TUT7: variants seen among roughly 807,000 people sequenced by gnomAD.
The protein encoded by TUT7 is terminal uridylyl transferase 7, also known as terminal uridylyltransferase 7.
TUT7 carries 33 observed loss-of-function variants against 165.9 expected under a neutral mutation model. The ratio of observed to expected loss-of-function variants is 0.20; its 90% CI spans 0.15 to 0.27. The LOEUF (loss-of-function observed/expected upper bound fraction) is 0.27, where lower values mean the gene tolerates loss of function less well. Ranked by LOEUF, TUT7 falls within the 10% of genes least tolerant of loss-of-function variation. TUT7 has a pLI of 1.00. For missense variants in TUT7, 1,338 were observed against 1,762.3 expected (o/e 0.76, Z 4.31); for synonymous variants, 552 against 608.1 (o/e 0.91, Z 1.36).
intron 10 of TUT7, among the ~76,000 whole-genome samples, chr9:86,332,212 C>A (rs369546913): frequency 2.0e-5 from 3 of 152,280 alleles, no homozygotes; most frequent in African/African-American, 4.8e-5. Flanking sequence ...AAATACAGAT[C>A]ATTCTACCAT....
intron 11 of TUT7, among the ~76,000 whole-genome samples, chr9:86,327,706 T>G (rs74632003): frequency 6.6e-6 from 1 of 152,208 alleles, no homozygotes; most frequent in Non-Finnish European, 1.5e-5. Flanking sequence ...TAACTCCTCA[T>G]TTTAGGCATG....
intron 12 of TUT7, among the ~76,000 whole-genome samples, chr9:86,324,929 A>G (rs1263288883): frequency 1.3e-5 from 2 of 152,244 alleles, no homozygotes; most frequent in African/African-American, 4.8e-5. Context: ...TTGACGAGAA[A>G]AAGTATTGTC....
At chr9:86,289,939 G>C (rs1203440411) in intron 26 of TUT7, among the ~76,000 whole-genome samples, 1 of 151,950 alleles carries the variant, frequency 6.6e-6, no homozygotes, top group East Asian at 1.9e-4. Context: ...GCACATAATA[G>C]AATATTAGGT....
chr9:86,341,051 C>T lies in TUT7; in HGVS notation c.1089G>A (p.Met363Ile). 6.2e-7 allele frequency: 1 copy of T among 1,611,306 alleles called. No individual in the cohort carries two copies. The highest frequency in any genetic ancestry group is 8.5e-7 in the Non-Finnish European group (1 of 1,178,430). The stretch of plus-strand genomic sequence containing the variant: ...CAAGTAAGAGGACATCTGGCTGAGA[C>T]ATCTAGGAAATAAATCAATGAATAC... ...VNIDIQFPAI[M>I]SQPDVLLLVQ... The change falls in exon 7 of 27, where the codon ATG becomes ATA. Residue 363 changes from methionine to isoleucine, a missense_variant and splice_region_variant. Physicochemically the swap from Met to Ile is conservative, Grantham distance 10 (BLOSUM62 1). Around this residue, in one of 7 missense-constraint regions of TUT7, gnomAD observed 434 missense variants for 480.8 expected, o/e 0.90. Transcript: ENST00000375963.
Position 86,310,617 on chromosome 9 carries a change from G to A in TUT7, c.3378+89C>T, listed in dbSNP as rs1827960504. The A allele has an allele frequency of 1.5e-5, 9 of 584,260 alleles. No homozygotes were observed. In the Admixed American group the frequency reaches 2.2e-4, roughly 14 times the overall value. The allele number at this position is 584,260 out of a possible 1,614,324, so 36.2% of individuals were successfully genotyped here. ...CTTGAAAGATTCACTAAGATGAAATGAATGTGACTTCTTTAACTTGAGGTT... is the reference window on the plus strand; with the variant it reads ...CTTGAAAGATTCACTAAGATGAAATAAATGTGACTTCTTTAACTTGAGGTT... On this transcript the variant is annotated intron_variant, in intron 18 of 26. Coordinates refer to ENST00000375963, the MANE Select transcript of TUT7 (RefSeq NM_024617.4).
At position 86,350,127 on chromosome 9, in the gene TUT7, C is replaced by A. The variant is rs372347548; in HGVS notation, c.520+2553G>T. Among the ~76,000 whole-genome samples, 6 of 152,164 alleles carry A rather than the reference C, an allele frequency of 3.9e-5. No individual in the cohort carries two copies. In the South Asian group the frequency reaches 1.2e-3, roughly 32 times the overall value. ...CAGGCAGATCATGAGGTCAGGGTAT[C>A]GAGACTACCCCTGGCCAACATGCTA... is the stretch of plus-strand genomic sequence containing the variant. On this transcript the variant is annotated intron_variant, in intron 2 of 26. Transcript: ENST00000375963.
chr9:86,332,745 A>G (rs1234025239), intron 10 of TUT7, among the ~76,000 whole-genome samples: 1 of 152,156 alleles, frequency 6.6e-6, no homozygotes, highest in African/African-American at 2.4e-5. Flanking sequence ...TTTAGTGGGG[A>G]TATTTAGTCT....
intron 22 of TUT7, 150 bp from the exon 23 acceptor site, chr9:86,305,389 C>CA (rs948233279): frequency 9.5e-5 from 55 of 576,222 alleles, no homozygotes; most frequent in Admixed American, 1.5e-4. Flanking sequence ...AAAAGAAGTG[C>CA]AAAAAAAAGT....
intron 10 of TUT7, among the ~76,000 whole-genome samples, chr9:86,330,223 AATTTTTTTAT>A (rs1830188301): frequency 6.6e-6 from 1 of 151,628 alleles, no homozygotes; most frequent in Non-Finnish European, 1.5e-5. Context: ...ATGCCCAGCT[AATTTTTTTAT>A]ATTTTTTTAG....
intron 26 of TUT7, among the ~76,000 whole-genome samples, chr9:86,290,072 T>G (rs1480388793): frequency 6.6e-6 from 1 of 152,270 alleles, no homozygotes; most frequent in East Asian, 1.9e-4. Flanking sequence ...ATCTGTAAAA[T>G]GAGGACAATA....
At chr9:86,313,131 A>AATAC (rs1304214114) in intron 17 of TUT7, among the ~76,000 whole-genome samples, 1 of 57,192 alleles carries the variant, frequency 1.7e-5, no homozygotes, top group Non-Finnish European at 4.4e-5. Context: ...ATCAATAATA[A>AATAC]ATAAATAAAT....
chr9:86,337,716 T>C (rs898603130), intron 9 of TUT7, among the ~76,000 whole-genome samples, 178 bp from the exon 10 acceptor site: 1 of 152,224 alleles, frequency 6.6e-6, no homozygotes, highest in Admixed American at 6.5e-5. Context: ...CAACCACATA[T>C]TGTGGTTTTA....
chr9:86,298,911 G>GA (rs1826616742), intron 26 of TUT7: 1 of 706,718 alleles, frequency 1.4e-6, no homozygotes, highest in Non-Finnish European at 1.7e-6. Flanking sequence ...CATATCCAAG[G>GA]AGAGCTGAAA....
At chr9:86,351,484 C>G (rs1043986542) in intron 2 of TUT7, among the ~76,000 whole-genome samples, 2 of 152,116 alleles carry the variant, frequency 1.3e-5, no homozygotes, top group African/African-American at 4.8e-5. Flanking sequence ...CTAGAAGTAT[C>G]TGTGAAAAAA....
At chr9:86,308,678 T>C in intron 21 of TUT7, 72 bp from the exon 22 acceptor site, 1 of 1,292,180 alleles carries the variant, frequency 7.7e-7, no homozygotes, top group Non-Finnish European at 1.0e-6. Flanking sequence ...ATTTGTATTT[T>C]AGGGAGTAAA....
intron 2 of TUT7, among the ~76,000 whole-genome samples, chr9:86,348,688 G>A (rs1006327734): frequency 2.0e-5 from 3 of 152,126 alleles, no homozygotes; most frequent in African/African-American, 7.2e-5. Flanking sequence ...AGGAGGTGAG[G>A]CTGTGGTGAG....
Position 86,352,976 on chromosome 9 carries a change from T to C in TUT7, c.224A>G (p.Asn75Ser). 1.2e-6 allele frequency: 2 copies of C among 1,614,218 alleles called. No individual in the cohort carries two copies. The highest frequency in any genetic ancestry group is 2.2e-5 in the South Asian group (2 of 91,084). The part of the protein sequence containing the change: ...PRKGPCAVSS[N>S]PYAFKNPIYS... ...GATTGGGTTTTTAAATGCATATGGA[T>C]TGCTGGAAACAGCACATGGTCCTTT... The change falls in exon 2 of 27, where the codon AAT becomes AGT. Residue 75 changes from asparagine to serine, a missense_variant. By Grantham distance (46) the Asn-to-Ser change is conservative. Coordinates refer to ENST00000375963, the MANE Select transcript of TUT7 (RefSeq NM_024617.4).
intron 14 of TUT7, among the ~76,000 whole-genome samples, chr9:86,320,857 G>C (rs700765): frequency 0.99 from 151,112 of 152,280 alleles, 74,979 homozygotes; most frequent in Middle Eastern, 1. Context: ...AAAAAATGTC[G>C]CTCCCTTACC....
chr9:86,351,111 G>A (rs904980801), intron 2 of TUT7, among the ~76,000 whole-genome samples: 1 of 149,068 alleles, frequency 6.7e-6, no homozygotes, highest in African/African-American at 2.5e-5. Flanking sequence ...CTCCAGCCTG[G>A]GTGACACAGT....
Sources: gnomAD v4.1 joint callset for allele counts (sites outside exome capture counted in the v4.1 genomes callset) on GRCh38, gnomAD v4.1.1 for gene constraint, gnomAD v4.1.1 regional missense constraint, MANE v1.5 for transcripts, NCBI Gene and HGNC (gene_info 2026-07-23, HGNC 2026-07-21) for gene names.